Variants in GSE1 observed in about 807,000 individuals in gnomAD.
The protein encoded by GSE1 is Gse1 coiled-coil protein, also known as genetic suppressor element 1.
In GSE1, 32 loss-of-function variants were observed where a neutral mutation model predicts 112.6. That is an observed-to-expected ratio of 0.28 (90% CI 0.21 to 0.38). GSE1 has a LOEUF of 0.38. Among genes scored for constraint, GSE1 ranks in the 10% least tolerant of loss-of-function variants. The probability of loss-of-function intolerance (pLI) is 1.00; values close to 1 mark genes in which losing one functional copy is unlikely to be tolerated. For missense variants in GSE1, 2,348 were observed against 1,699.2 expected (o/e 1.38, Z -6.71); for synonymous variants, 1,115 against 735.6 (o/e 1.52, Z -8.35).
intron 2 of GSE1, among the ~76,000 whole-genome samples, chr16:85,432,301 C>T (rs544577059): frequency 1.3e-5 from 2 of 152,336 alleles, no homozygotes; most frequent in South Asian, 2.1e-4. Flanking sequence ...TTTTAGGGAA[C>T]TGAGGATGCA....
chr16:85,235,470 G>GTATA (rs1555544676), intron 1 of GSE1, among the ~76,000 whole-genome samples: 15 of 135,140 alleles, frequency 1.1e-4, no homozygotes, highest in African/African-American at 4.1e-4. Flanking sequence ...GTGTGTGTGT[G>GTATA]TAGGGGGTGT....
At chr16:85,250,008 G>A (rs1039256095) in intron 1 of GSE1, among the ~76,000 whole-genome samples, 2 of 152,342 alleles carry the variant, frequency 1.3e-5, no homozygotes, top group South Asian at 2.1e-4. Context: ...AAGCTGTTGC[G>A]GGGTCCTCTG....
In GSE1 at chr16:85,656,244, G is replaced by A. The variant is rs1423346135; in HGVS notation, c.990-99G>A. On this transcript the variant is annotated intron_variant, in intron 6 of 15. Coordinates refer to ENST00000253458, the MANE Select transcript of GSE1 (RefSeq NM_014615.5). The stretch of plus-strand genomic sequence containing the variant: ...ACCTCCCGTCACTGTTCAGATTAGC[G>A]CCCTGGCTCGTTCCTGGTTATGCTT... 9.7e-6 allele frequency: 14 copies of A among 1,445,330 alleles called. No individual in the cohort carries two copies. The East Asian group carries it at 1.4e-4, about 14-fold the overall frequency. 89.5% of individuals were successfully genotyped at this position (1,445,330 alleles called of 1,614,324 possible).
At chr16:85,388,840 C>G (rs1052329355) in intron 2 of GSE1, among the ~76,000 whole-genome samples, 3 of 152,144 alleles carry the variant, frequency 2.0e-5, no homozygotes, top group African/African-American at 7.2e-5. Flanking sequence ...GCTGGTGGCT[C>G]TGCACTGGGG....
Position 85,657,497 on chromosome 16 carries a change from G to C in GSE1, c.1533G>C (p.Arg511=). Residue 511 remains arginine (R), a synonymous_variant, in exon 8 of 16, where the codon CGG becomes CGC. Coordinates refer to ENST00000253458, the MANE Select transcript of GSE1 (RefSeq NM_014615.5). Reference sequence around the variant, plus strand: ...GGCTGCGGCAGGAGAAGGAGGACCGGCAGTCTCAGGTGTCCGAGTTCCGGC... The same window carrying C: ...GGCTGCGGCAGGAGAAGGAGGACCGCCAGTCTCAGGTGTCCGAGTTCCGGC... The part of the protein sequence containing the change: ...QRRLRQEKED[R]QSQVSEFRQQ... The C allele has an allele frequency of 6.2e-7, 1 of 1,606,216 alleles. No homozygotes were observed. The highest frequency in any genetic ancestry group is 8.5e-7 in the Non-Finnish European group (1 of 1,176,984).
intron 7 of GSE1, 41 bp from the exon 8 acceptor site, chr16:85,657,236 C>G (rs1309041296): frequency 7.3e-7 from 1 of 1,366,470 alleles, no homozygotes; most frequent in Admixed American, 2.2e-5. Context: ...CATGCTGGCC[C>G]ACGTGGCTGA....
At chr16:85,190,503 C>T (rs1384221409) in intron 1 of GSE1, among the ~76,000 whole-genome samples, 1 of 152,234 alleles carries the variant, frequency 6.6e-6, no homozygotes, top group South Asian at 2.1e-4. Context: ...TCCAGTTTCA[C>T]TTGTCTTTGT....
chr16:85,629,479 C>T (rs934937644), intron 1 of GSE1, among the ~76,000 whole-genome samples: 1 of 152,252 alleles, frequency 6.6e-6, no homozygotes, highest in African/African-American at 2.4e-5. Flanking sequence ...AGCCACCCAG[C>T]CTGCACCGGA....
At chr16:85,670,720 G>T (rs1424319423) in intron 14 of GSE1, 2 of 223,802 alleles carry the variant, frequency 8.9e-6, no homozygotes, top group Non-Finnish European at 1.7e-5. Flanking sequence ...TGCATTTTAA[G>T]GCCATCAAAT....
At chr16:85,635,242 T>TGGG (rs1020687160) in intron 2 of GSE1, among the ~76,000 whole-genome samples, 5 of 151,792 alleles carry the variant, frequency 3.3e-5, no homozygotes, top group African/African-American at 1.2e-4. Context: ...CATTGATGGA[T>TGGG]GGGGGGTATT....
At chr16:85,670,315 T>G (rs2053226692) in intron 14 of GSE1, among the ~76,000 whole-genome samples, 1 of 152,232 alleles carries the variant, frequency 6.6e-6, no homozygotes, top group African/African-American at 2.4e-5. Context: ...GGCCCTTGTC[T>G]GTGAAACTTT....
At chr16:85,216,063 C>T (rs1279092420) in intron 1 of GSE1, among the ~76,000 whole-genome samples, 1 of 152,238 alleles carries the variant, frequency 6.6e-6, no homozygotes, top group Non-Finnish European at 1.5e-5. Context: ...CAAGCCCCTC[C>T]TGTCCCACCC....
chr16:85,257,267 G>A (rs376536406), intron 1 of GSE1, among the ~76,000 whole-genome samples: 3 of 152,188 alleles, frequency 2.0e-5, no homozygotes, highest in South Asian at 2.1e-4. Flanking sequence ...CTGCCACCAC[G>A]CCTGGCTAAT....
intron 2 of GSE1, among the ~76,000 whole-genome samples, chr16:85,481,965 G>A (rs146060218): frequency 4.5e-4 from 69 of 152,360 alleles, no homozygotes; most frequent in Middle Eastern, 6.8e-3. Context: ...TCAAGGCCCT[G>A]GGGGCAGGGT....
At chr16:85,464,071 CG>C (rs1332185277) in intron 2 of GSE1, among the ~76,000 whole-genome samples, 1 of 152,118 alleles carries the variant, frequency 6.6e-6, no homozygotes, top group Non-Finnish European at 1.5e-5. Flanking sequence ...AGGCCAGCAG[CG>C]GGGGGACGAC....
intron 1 of GSE1, among the ~76,000 whole-genome samples, chr16:85,562,095 C>T (rs2045547102): frequency 1.3e-5 from 2 of 152,216 alleles, no homozygotes; most frequent in Admixed American, 1.3e-4. Context: ...CAGGTTAGGC[C>T]TAATGGGATC....
chr16:85,612,961 C>T (rs995455029), upstream of GSE1, among the ~76,000 whole-genome samples: 10 of 152,250 alleles, frequency 6.6e-5, no homozygotes, highest in South Asian at 4.1e-4. Context: ...GTCCCCGGGA[C>T]CCCCGAGCAG....
chr16:85,600,289 G>A (rs1480865558), intron 1 of GSE1, among the ~76,000 whole-genome samples: 4 of 152,144 alleles, frequency 2.6e-5, no homozygotes, highest in South Asian at 2.1e-4. Context: ...CTCCTGAGCC[G>A]GGCTGTGATC....
rs552334023 is a variant in GSE1, at chr16:85,214,315, T to A, written c.2283+42508T>A. 2.6e-5 allele frequency among the ~76,000 whole-genome samples: 4 copies of A among 152,304 alleles called. No individual in the cohort carries two copies. In the South Asian group the frequency reaches 8.3e-4, roughly 32 times the overall value. ...TGTTTGGAAATAGGGTCTTTGCCCATGCATGAAGTTAGGGTGAAGTCATAC... is the reference window on the plus strand; with the variant it reads ...TGTTTGGAAATAGGGTCTTTGCCCAAGCATGAAGTTAGGGTGAAGTCATAC... On this transcript the variant is annotated intron_variant, in intron 1 of 2. Coordinates refer to the GSE1 transcript ENST00000637419.
Sources: gnomAD v4.1 joint callset for allele counts (sites outside exome capture counted in the v4.1 genomes callset) on GRCh38, gnomAD v4.1.1 for gene constraint, MANE v1.5 for transcripts, NCBI Gene and HGNC (gene_info 2026-07-23, HGNC 2026-07-21) for gene names.